RORA: variants seen among roughly 807,000 people sequenced by gnomAD.
RORA encodes nuclear receptor ROR-alpha.
Under a neutral mutation model 69.5 loss-of-function variants are expected in RORA, and 7 were observed. The ratio of observed to expected loss-of-function variants is 0.10; its 90% CI spans 0.06 to 0.19. The LOEUF (loss-of-function observed/expected upper bound fraction) is 0.19. RORA is among the 10% of genes least tolerant of loss of function. The pLI, the probability that RORA is intolerant of heterozygous loss-of-function variation, is 1.00. For missense variants in RORA, 457 were observed against 663.0 expected, an observed-to-expected ratio of 0.69 and a Z score of 3.41; for synonymous variants, 261 against 240.8, an observed-to-expected ratio of 1.08 and a Z score of -0.78.
In RORA at chr15:61,016,948, A is replaced by C. The variant is rs1455961223; in HGVS notation, c.166+212105T>G. On this transcript the variant is annotated intron_variant, in intron 1 of 10. Coordinates refer to ENST00000335670, the MANE Select transcript of RORA (RefSeq NM_134261.3). ...CAGCCGAAGACGTATGAATGAATAAAGAAATGAATGAATATTTTTATTCCA... is the reference window on the plus strand; with the variant it reads ...CAGCCGAAGACGTATGAATGAATAACGAAATGAATGAATATTTTTATTCCA... 2.6e-5 allele frequency among the ~76,000 whole-genome samples: 4 copies of C among 152,238 alleles called. 1 individual carries two copies. In the East Asian group the frequency reaches 7.7e-4, roughly 29 times the overall value.
chr15:60,705,088 T>C (rs1596141291), intron 1 of RORA, among the ~76,000 whole-genome samples: 1 of 151,152 alleles, frequency 6.6e-6, no homozygotes, highest in Non-Finnish European at 1.5e-5. Flanking sequence ...GCTTTCCTCC[T>C]AGTAAGAGTA....
chr15:61,158,036 C>T (rs1049321705), intron 1 of RORA, among the ~76,000 whole-genome samples: 1 of 152,190 alleles, frequency 6.6e-6, no homozygotes, highest in Non-Finnish European at 1.5e-5. Context: ...CAAAGCCCAA[C>T]CCCAGCTGCA....
chr15:61,166,038 C>T (rs2079537347), intron 1 of RORA, among the ~76,000 whole-genome samples: 1 of 152,206 alleles, frequency 6.6e-6, no homozygotes, highest in South Asian at 2.1e-4. Flanking sequence ...GCATGCAGGG[C>T]TGCCATCAGG....
rs957055543 is a variant in RORA at position 61,213,231 on chromosome 15, T to A, written c.166+15822A>T. Among the ~76,000 whole-genome samples, 5 of 152,094 alleles carry A rather than the reference T, an allele frequency of 3.3e-5. No individual in the cohort carries two copies. The highest frequency in any genetic ancestry group is 1.5e-5 in the Non-Finnish European group (1 of 68,018). The stretch of plus-strand genomic sequence containing the variant: ...TCTTCCAACTCCACTTCCTGGGGAA[T>A]CCTACCGCAGAGTCAACTCTTCTTC... On this transcript the variant is annotated intron_variant, in intron 1 of 10. Coordinates refer to ENST00000335670, the MANE Select transcript of RORA (RefSeq NM_134261.3). This position sits in a 1 kb window ranked among gnomAD's most constrained non-coding sequence, Gnocchi z 4.1.
At chr15:60,968,453 T>C (rs1335484723) in intron 1 of RORA, among the ~76,000 whole-genome samples, 3 of 152,178 alleles carry the variant, frequency 2.0e-5, no homozygotes, top group East Asian at 1.9e-4. Context: ...TTCTGCTGGT[T>C]TGGGGACCAT....
intron 2 of RORA, among the ~76,000 whole-genome samples, chr15:60,565,583 T>G (rs1030363487): frequency 2.0e-5 from 3 of 152,202 alleles, no homozygotes; most frequent in Non-Finnish European, 4.4e-5. Flanking sequence ...CATGTTAAAA[T>G]TAGTGATAAA....
chr15:60,580,998 T>A (rs573608592), intron 2 of RORA, among the ~76,000 whole-genome samples: 1 of 152,366 alleles, frequency 6.6e-6, no homozygotes, highest in South Asian at 2.1e-4. Context: ...AGGGCTGTGC[T>A]CAAATATAAC....
intron 2 of RORA, among the ~76,000 whole-genome samples, chr15:60,550,356 T>A (rs1352131873): frequency 6.6e-6 from 1 of 152,124 alleles, no homozygotes; most frequent in Non-Finnish European, 1.5e-5. Flanking sequence ...TAGATGGAAA[T>A]TTTAAAGTTT....
intron 1 of RORA, among the ~76,000 whole-genome samples, chr15:61,124,218 A>G (rs2079125335): frequency 6.6e-6 from 1 of 152,174 alleles, no homozygotes; most frequent in South Asian, 2.1e-4. Flanking sequence ...CAATTCCCTT[A>G]TCGGGGCTCA....
intron 1 of RORA, among the ~76,000 whole-genome samples, chr15:60,809,038 C>T (rs958091965): frequency 6.6e-6 from 1 of 151,908 alleles, no homozygotes. Flanking sequence ...TGGGGGGTGG[C>T]GACGGATAAA....
At chr15:60,866,884 G>C (rs1030198871) in intron 1 of RORA, among the ~76,000 whole-genome samples, 1 of 146,910 alleles carries the variant, frequency 6.8e-6, no homozygotes, top group African/African-American at 2.5e-5. Context: ...ATCTAGTTTC[G>C]AGTCAGAATC....
At chr15:60,771,803 T>C (rs78101027) in intron 1 of RORA, among the ~76,000 whole-genome samples, 2,087 of 152,308 alleles carry the variant, frequency 0.014, 47 homozygotes, top group African/African-American at 0.046. Context: ...AGTTGTCTCA[T>C]CTGGGAGAAG....
chr15:61,087,422 C>G (rs1409400488), intron 1 of RORA, among the ~76,000 whole-genome samples: 2 of 152,312 alleles, frequency 1.3e-5, no homozygotes, highest in Middle Eastern at 3.4e-3. Context: ...AATGCAAAGT[C>G]ATAATGCTTT....
chr15:60,992,364 C>T (rs1158260649), intron 1 of RORA, among the ~76,000 whole-genome samples: 1 of 151,918 alleles, frequency 6.6e-6, no homozygotes, highest in African/African-American at 2.4e-5. Context: ...GGAGGGAAAT[C>T]TAGGTACTTG....
At chr15:60,843,138 G>T (rs1461641546) in intron 1 of RORA, among the ~76,000 whole-genome samples, 1 of 152,176 alleles carries the variant, frequency 6.6e-6, no homozygotes, top group African/African-American at 2.4e-5. Context: ...TCTGCTGCAA[G>T]GAAATGGAAG....
intron 1 of RORA, among the ~76,000 whole-genome samples, chr15:61,004,104 A>G (rs528112449): frequency 6.6e-6 from 1 of 152,176 alleles, no homozygotes; most frequent in Admixed American, 6.5e-5. Flanking sequence ...AGTGAAGGGG[A>G]GTCAGACAAG....
At chr15:61,222,870 G>A (rs1164146192) in intron 1 of RORA, among the ~76,000 whole-genome samples, 1 of 152,176 alleles carries the variant, frequency 6.6e-6, no homozygotes, top group Non-Finnish European at 1.5e-5. Flanking sequence ...GGATTTAAGA[G>A]CCTCATGCCA....
intron 2 of RORA, among the ~76,000 whole-genome samples, chr15:60,637,989 A>T (rs2069870223): frequency 6.6e-6 from 1 of 152,186 alleles, no homozygotes; most frequent in South Asian, 2.1e-4. Context: ...TCTTGTGTCT[A>T]TAAAGGGTGG....
chr15:60,909,158 A>G (rs1326441431), intron 1 of RORA, among the ~76,000 whole-genome samples: 2 of 152,216 alleles, frequency 1.3e-5, no homozygotes, highest in South Asian at 2.1e-4. Context: ...AGCGGTGAGC[A>G]TAACAGAGTT....
Sources: gnomAD v4.1 joint callset for allele counts (sites outside exome capture counted in the v4.1 genomes callset) on GRCh38, gnomAD v4.1.1 for gene constraint, Gnocchi (gnomAD v3.1) non-coding constraint, MANE v1.5 for transcripts, NCBI Gene and HGNC (gene_info 2026-07-23, HGNC 2026-07-21) for gene names.